The following CCDC144A variants were observed in gnomAD, a reference collection of about 807,000 sequenced individuals.
CCDC144A encodes the protein coiled-coil domain containing 144A.
Under a neutral mutation model 143.8 loss-of-function variants are expected in CCDC144A, and 41 were observed. The observed-to-expected ratio is 0.29, with a 90% CI of 0.22 to 0.37. The LOEUF is 0.37. Among genes scored for constraint, CCDC144A ranks in the 10% least tolerant of loss-of-function variants. The pLI is 1.00. For missense variants in CCDC144A, 637 were observed against 1,488.8 expected, an observed-to-expected ratio of 0.43 and a Z score of 9.41; for synonymous variants, 242 against 517.9, an observed-to-expected ratio of 0.47 and a Z score of 7.23.
In CCDC144A at chr17:16,690,264, T is replaced by A; in HGVS notation, c.-137T>A. The A allele has an allele frequency of 1.7e-6, 1 of 585,404 alleles. No homozygotes were observed. The highest frequency in any genetic ancestry group is 2.9e-6 in the Non-Finnish European group (1 of 341,238). 36.3% of individuals were successfully genotyped at this position (585,404 alleles called of 1,614,324 possible). A position where few individuals can be genotyped will look rare whatever the true frequency, so the allele number is the denominator to read the frequency against. ...ACGAGGCTTTGCGGTGGCTGTTGGC[T>A]TGGCGGTGGTCGCTTGGCTTGGCGT... On this transcript the variant is annotated 5_prime_UTR_variant, in exon 1 of 17. In the 5' UTR this introduces an upstream ATG that the reference lacks. Transcript: ENST00000399273.
At chr17:16,764,606 A>G (rs1915519059) in intron 15 of CCDC144A, 1 of 220,998 alleles carries the variant, frequency 4.5e-6, no homozygotes, top group African/African-American at 2.4e-5. Flanking sequence ...TTGGTGTCCA[A>G]ACACTAACCA....
chr17:16,678,761 T>C, the CCDC144A span, among the ~76,000 whole-genome samples: 4 of 147,646 alleles, frequency 2.7e-5, no homozygotes, highest in African/African-American at 1.0e-4. Flanking sequence ...GTTTTTTTTT[T>C]TTTTTTTTTT....
chr17:16,723,443 T>C (rs1404916220), intron 8 of CCDC144A, among the ~76,000 whole-genome samples: 1 of 152,172 alleles, frequency 6.6e-6, no homozygotes, highest in East Asian at 1.9e-4. Flanking sequence ...TGTGGTTTTA[T>C]TGATTTTTTT....
chr17:16,733,096 G>A (rs1206392969), intron 11 of CCDC144A, among the ~76,000 whole-genome samples: 3 of 151,706 alleles, frequency 2.0e-5, no homozygotes, highest in Admixed American at 6.6e-5. Flanking sequence ...TTCAGAGGCC[G>A]TACTTCAGAT....
chr17:16,702,477 C>A (rs2143082630), intron 2 of CCDC144A, among the ~76,000 whole-genome samples: 1 of 152,326 alleles, frequency 6.6e-6, no homozygotes, highest in Non-Finnish European at 1.5e-5. Flanking sequence ...CCCTTGAGCT[C>A]TTCTCCACTG....
chr17:16,673,328 A>AT, the CCDC144A span, among the ~76,000 whole-genome samples: 1 of 150,942 alleles, frequency 6.6e-6, no homozygotes, highest in Non-Finnish European at 1.5e-5. Flanking sequence ...CCAAAAGTTC[A>AT]TTTTTTATGC....
rs1912401721 is a variant in CCDC144A, at chr17:16,711,147, A to AAAAC, written c.1579-529_1579-528insCAAA. The stretch of plus-strand genomic sequence containing the variant: ...CCCAGGATTCAAATGAAAAAAAAAA[A>AAAAC]AAAAAAAAAAACAAAAGTTAGTGGG... On this transcript the variant is annotated intron_variant, in intron 5 of 16. Transcript: ENST00000399273. Among the ~76,000 whole-genome samples, 5 of 140,222 alleles carry AAAAC rather than the reference A, an allele frequency of 3.6e-5. 1 individual carries two copies. The Admixed American group carries it at 3.7e-4, about 10-fold the overall frequency. 92.0% of individuals were successfully genotyped at this position (140,222 alleles called of 152,430 possible).
intron 8 of CCDC144A, among the ~76,000 whole-genome samples, chr17:16,726,669 GT>G (rs1342518523): frequency 6.6e-6 from 1 of 151,826 alleles, no homozygotes; most frequent in African/African-American, 2.4e-5. Flanking sequence ...TTTTTTAGAT[GT>G]TTTTTTCCCC....
intron 12 of CCDC144A, among the ~76,000 whole-genome samples, chr17:16,747,605 A>G (rs1914597225): frequency 6.6e-6 from 1 of 152,210 alleles, no homozygotes; most frequent in Non-Finnish European, 1.5e-5. Flanking sequence ...GATTTTTTTC[A>G]GCAGTGTTTT....
At position 16,761,720 on chromosome 17, in the gene CCDC144A, T is replaced by C. The variant is rs1293453826; in HGVS notation, c.3666+2T>C. 1.2e-6 allele frequency: 2 copies of C among 1,606,842 alleles called. No homozygotes were observed. Among genetic ancestry groups the C allele is most frequent in the Non-Finnish European group, 1.7e-6 (2 of 1,178,444 alleles). On this transcript the variant is annotated splice_donor_variant, in intron 13 of 16. Coordinates refer to ENST00000399273, the MANE Select transcript of CCDC144A (RefSeq NM_001382000.1). LOFTEE classifies it high-confidence loss of function. ...AACGAAGCCATTCTCACCTTGCAGG[T>C]TGGTTTATTTATCTGTAATGTGCTT...
chr17:16,688,983 G>A (rs1384083487), upstream of CCDC144A, among the ~76,000 whole-genome samples: 3 of 152,174 alleles, frequency 2.0e-5, no homozygotes, highest in South Asian at 2.1e-4. Flanking sequence ...TCATCTCAGT[G>A]ATTGGCTTTC....
chr17:16,716,127 G>A (rs1912737441), intron 6 of CCDC144A, among the ~76,000 whole-genome samples: 1 of 152,004 alleles, frequency 6.6e-6, no homozygotes, highest in South Asian at 2.1e-4. Flanking sequence ...TAATTTGGAA[G>A]TGTGGGTCAA....
At chr17:16,760,250 G>C (rs1248545217) in intron 12 of CCDC144A, among the ~76,000 whole-genome samples, 1 of 150,750 alleles carries the variant, frequency 6.6e-6, no homozygotes, top group Admixed American at 6.6e-5. Flanking sequence ...GAGAGGGAAT[G>C]TCATGGGAGA....
chr17:16,715,792 G>A (rs1912715520), intron 6 of CCDC144A, among the ~76,000 whole-genome samples: 1 of 152,228 alleles, frequency 6.6e-6, no homozygotes, highest in African/African-American at 2.4e-5. Context: ...AGCGGCATAA[G>A]AGGGTTAACA....
chr17:16,732,978 C>T (rs1913816779), intron 11 of CCDC144A, among the ~76,000 whole-genome samples: 2 of 151,620 alleles, frequency 1.3e-5, no homozygotes, highest in Non-Finnish European at 2.9e-5. Context: ...ATCCTTGCTA[C>T]TAACAACAGA....
At chr17:16,758,668 C>T (rs1263955717) in intron 12 of CCDC144A, among the ~76,000 whole-genome samples, 1 of 152,224 alleles carries the variant, frequency 6.6e-6, no homozygotes, top group Non-Finnish European at 1.5e-5. Flanking sequence ...ACCTTCTTGG[C>T]TCTTTGTTGT....
At chr17:16,768,847 G>T (rs536847973) in intron 15 of CCDC144A, among the ~76,000 whole-genome samples, 37 of 151,390 alleles carry the variant, frequency 2.4e-4, no homozygotes, top group African/African-American at 8.3e-4. Flanking sequence ...TGTGAAGAAT[G>T]TATGGTAAGA....
chr17:16,723,381 T>C (rs1354827586), intron 8 of CCDC144A, among the ~76,000 whole-genome samples: 1 of 152,036 alleles, frequency 6.6e-6, no homozygotes, highest in African/African-American at 2.4e-5. Context: ...ATCTTCTTTT[T>C]TATGATCAAC....
chr17:16,772,068 C>A (rs1364786648), intron 16 of CCDC144A, 49 bp downstream of exon 16: 261 of 1,324,142 alleles, frequency 2.0e-4, no homozygotes, highest in Non-Finnish European at 2.5e-4. Context: ...TAATATATAT[C>A]TGAAATAAAC....
Sources: gnomAD v4.1 joint callset for allele counts (sites outside exome capture counted in the v4.1 genomes callset) on GRCh38, gnomAD v4.1.1 for gene constraint, MANE v1.5 for transcripts, NCBI Gene and HGNC (gene_info 2026-07-23, HGNC 2026-07-21) for gene names.